The following PHF13 variants were observed in gnomAD, a reference collection of about 807,000 sequenced individuals.
PHF13 encodes the protein PHD zinc finger protein PHF5.
PHF13 carries 1 observed loss-of-function variant against 25.8 expected under a neutral mutation model. The observed-to-expected ratio is 0.04, with a 90% CI of 0.01 to 0.18. PHF13 has a LOEUF of 0.18. PHF13 is among the 10% of genes least tolerant of loss of function. The pLI is 1.00. For synonymous variants in PHF13, 195 were observed against 162.4 expected (o/e 1.20, Z -1.53); for missense variants, 306 against 403.2 (o/e 0.76, Z 2.06).
chr1:6,617,419 T>C (rs1641277872), intron 2 of PHF13, among the ~76,000 whole-genome samples: 1 of 151,250 alleles, frequency 6.6e-6, no homozygotes, highest in African/African-American at 2.4e-5. Context: ...ACAAATAAAA[T>C]ATGTGATATT....
At chr1:6,616,009 G>A (rs1641255245) in intron 1 of PHF13, among the ~76,000 whole-genome samples, 1 of 148,562 alleles carries the variant, frequency 6.7e-6, no homozygotes, top group Non-Finnish European at 1.5e-5. Context: ...CGAGAGCTCT[G>A]GAGAATGAGT....
chr1:6,615,965 G>T (rs1641254754), intron 1 of PHF13, among the ~76,000 whole-genome samples: 1 of 151,722 alleles, frequency 6.6e-6, no homozygotes, highest in African/African-American at 2.4e-5. Flanking sequence ...GCTTGGCAGG[G>T]TCAGCCAGGA....
intron 1 of PHF13, among the ~76,000 whole-genome samples, chr1:6,614,837 C>T (rs993112830): frequency 1.3e-5 from 2 of 151,532 alleles, no homozygotes; most frequent in Admixed American, 6.6e-5. Flanking sequence ...GGCCTCCCCC[C>T]CGCGCGGTCC....
intron 2 of PHF13, 87 bp downstream of exon 2, chr1:6,616,945 G>A: frequency 1.7e-6 from 2 of 1,149,192 alleles, no homozygotes; most frequent in Non-Finnish European, 2.6e-6. Flanking sequence ...TGACTGGTCA[G>A]AGGGTCAGTA....
At position 6,621,330 on chromosome 1, in the gene PHF13, A is replaced by T; in HGVS notation, c.677-81A>T. ...TGGAAGTGTTCTCGTCAGTAGAGTT[A>T]ATGGGTTTCATGGAAGCCCAGCTGA... On this transcript the variant is annotated intron_variant, in intron 3 of 3. Coordinates refer to ENST00000377648, the MANE Select transcript of PHF13 (RefSeq NM_153812.3). This position sits in a 1 kb window ranked among gnomAD's most constrained non-coding sequence, Gnocchi z 4.8. The T allele has an allele frequency of 7.0e-7, 1 of 1,429,012 alleles. No individual in the cohort carries two copies. Among genetic ancestry groups the T allele is most frequent in the Non-Finnish European group, 9.7e-7 (1 of 1,025,922 alleles). The allele number at this position is 1,429,012 out of a possible 1,614,324, so 88.5% of individuals were successfully genotyped here. A position where few individuals can be genotyped will look rare whatever the true frequency, so the allele number is the denominator to read the frequency against.
At chr1:6,618,180 G>A (rs1557445871) in intron 2 of PHF13, among the ~76,000 whole-genome samples, 1 of 152,106 alleles carries the variant, frequency 6.6e-6, no homozygotes, top group Non-Finnish European at 1.5e-5. Flanking sequence ...TGTTGCCCAG[G>A]CTGGAGTGCA....
intron 1 of PHF13, 72 bp downstream of exon 1, chr1:6,614,177 A>T: frequency 7.0e-7 from 1 of 1,436,568 alleles, no homozygotes; most frequent in Non-Finnish European, 9.5e-7. Flanking sequence ...AGGCAGCCAG[A>T]CCCCCGGTCG....
rs869279713 is a variant in PHF13 at position 6,621,201 on chromosome 1, GA to G, written c.677-196del. 1.5e-3 allele frequency among the ~76,000 whole-genome samples: 213 copies of G among 144,160 alleles called. No individual in the cohort carries two copies. The highest frequency in any genetic ancestry group is 2.0e-3 in the East Asian group (10 of 5,004). 94.6% of individuals were successfully genotyped at this position (144,160 alleles called of 152,430 possible). Reference sequence around the variant, plus strand: ...TGACAGAGTGAGACCCTGTCTTAGGGAAAAAAAAAAAAAAGTAAGCATCTCC... The same window carrying G: ...TGACAGAGTGAGACCCTGTCTTAGGGAAAAAAAAAAAAAGTAAGCATCTCC... On this transcript the variant is annotated intron_variant, in intron 3 of 3. Transcript: ENST00000377648. This position sits in a 1 kb window ranked among gnomAD's most constrained non-coding sequence, Gnocchi z 4.8.
Position 6,621,352 on chromosome 1 carries a change from C to G in PHF13, c.677-59C>G. On this transcript the variant is annotated intron_variant, in intron 3 of 3. Transcript: ENST00000377648. This position sits in a 1 kb window ranked among gnomAD's most constrained non-coding sequence, Gnocchi z 4.8. The stretch of plus-strand genomic sequence containing the variant: ...GTTAATGGGTTTCATGGAAGCCCAG[C>G]TGATGGCGAGGAATGATGGGAATTT... 1.3e-6 allele frequency: 2 copies of G among 1,560,494 alleles called. No individual in the cohort carries two copies. Among genetic ancestry groups the G allele is most frequent in the South Asian group, 1.1e-5 (1 of 88,498 alleles).
intron 1 of PHF13, among the ~76,000 whole-genome samples, chr1:6,616,366 C>T (rs1002438347): frequency 3.3e-5 from 5 of 152,172 alleles, no homozygotes; most frequent in African/African-American, 7.2e-5. Context: ...ACATCAGTTC[C>T]AGCTGCTGCT....
intron 2 of PHF13, among the ~76,000 whole-genome samples, chr1:6,617,440 TTTTG>T (rs763901606): frequency 2.5e-4 from 37 of 149,824 alleles, no homozygotes; most frequent in African/African-American, 8.1e-4. Context: ...TGCTTGCTCT[TTTTG>T]TTTGTTTGTT....
In PHF13 at chr1:6,616,847, T is replaced by C. The variant is rs199927668; in HGVS notation, c.130T>C (p.Tyr44His). 2 of 1,613,736 alleles carry C rather than the reference T, an allele frequency of 1.2e-6. No individual in the cohort carries two copies. Among genetic ancestry groups the C allele is most frequent in the Non-Finnish European group, 1.7e-6 (2 of 1,179,644 alleles). The change falls in exon 2 of 4, where the codon TAT (tyrosine) becomes CAT (histidine). Residue 44 changes from tyrosine (Y) to histidine (H), a missense_variant. By Grantham distance (83) the Tyr-to-His change is moderately conservative. Coordinates refer to ENST00000377648, the MANE Select transcript of PHF13 (RefSeq NM_153812.3). ...FVLAYAGYIP[Y>H]PKEELPLRSS... ...CTTGGCCTATGCTGGCTACATCCCT[T>C]ATCCGAAGGAGGTAATCTTCTGAGT...
At position 6,623,806 on chromosome 1, in the gene PHF13, T is replaced by C. The variant is rs1443842757; in HGVS notation, c.*2169T>C. ...CGACCCATCTGTGGTTCCTGGTTGG[T>C]GGCTAATGAAGTGAGGGGAGGGAGG... On this transcript the variant is annotated 3_prime_UTR_variant, in exon 4 of 4. Coordinates refer to ENST00000377648, the MANE Select transcript of PHF13 (RefSeq NM_153812.3). 1.3e-5 allele frequency: 2 copies of C among 152,624 alleles called. No individual in the cohort carries two copies. Among genetic ancestry groups the C allele is most frequent in the Non-Finnish European group, 2.9e-5 (2 of 68,034 alleles). 9.5% of individuals were successfully genotyped at this position (152,624 alleles called of 1,614,324 possible). A position where few individuals can be genotyped will look rare whatever the true frequency, so the allele number is the denominator to read the frequency against.
chr1:6,613,784 G>A lies in PHF13; in HGVS notation c.-283G>A. The A allele has an allele frequency of 3.3e-6, 1 of 306,604 alleles. No individual in the cohort carries two copies. Among genetic ancestry groups the A allele is most frequent in the Non-Finnish European group, 6.1e-6 (1 of 164,774 alleles). The allele number at this position is 306,604 out of a possible 1,614,324, so 19.0% of individuals were successfully genotyped here. On this transcript the variant is annotated 5_prime_UTR_variant, in exon 1 of 4. Coordinates refer to ENST00000377648, the MANE Select transcript of PHF13 (RefSeq NM_153812.3). ...TGGGCGTCAGGTCGGGGAGCCGGTCGGGTTCCCGCTCACCGCCGCCGCCGC... is the reference window on the plus strand; with the variant it reads ...TGGGCGTCAGGTCGGGGAGCCGGTCAGGTTCCCGCTCACCGCCGCCGCCGC...
intron 1 of PHF13, among the ~76,000 whole-genome samples, chr1:6,616,248 C>T (rs538165586): frequency 1.5e-4 from 23 of 152,006 alleles, no homozygotes; most frequent in African/African-American, 5.1e-4. Context: ...AGGCTGGTCT[C>T]GAACTCCTGA....
chr1:6,616,968 GC>G (rs1641270548), intron 2 of PHF13, 110 bp downstream of exon 2: 1 of 843,812 alleles, frequency 1.2e-6, no homozygotes, highest in Admixed American at 2.1e-5. Context: ...TTTGGAAGGG[GC>G]TGCTTGTGGT....
At position 6,614,034 on chromosome 1, in the gene PHF13, C is replaced by T. The variant is rs746528287; in HGVS notation, c.-33C>T. On this transcript the variant is annotated 5_prime_UTR_variant, in exon 1 of 4. Transcript: ENST00000377648. ...CCGCTCCAGCATCCCAGCTCCTGCA[C>T]TCTCGCAGCCGCCGCCGCCCCCCGC... 1.2e-5 allele frequency: 19 copies of T among 1,571,570 alleles called. No individual in the cohort carries two copies. The highest frequency in any genetic ancestry group is 2.4e-5 in the East Asian group (1 of 41,514).
rs192276638 is a variant in PHF13, at chr1:6,623,087, C to T, written c.*1450C>T. On this transcript the variant is annotated 3_prime_UTR_variant, in exon 4 of 4. Transcript: ENST00000377648. ...GTTTGTTTTCAGTGGGATGGGCCCGCGTTCTCACTGCTGGGGGCTTCCCCT... is the reference window on the plus strand; with the variant it reads ...GTTTGTTTTCAGTGGGATGGGCCCGTGTTCTCACTGCTGGGGGCTTCCCCT... 4.7e-4 allele frequency: 72 copies of T among 152,350 alleles called. 3 individuals are homozygous for T. The highest frequency in any genetic ancestry group is 6.5e-5 in the Admixed American group (1 of 15,292). 9.4% of individuals were successfully genotyped at this position (152,350 alleles called of 1,614,324 possible). A position where few individuals can be genotyped will look rare whatever the true frequency, so the allele number is the denominator to read the frequency against.
At chr1:6,616,412 A>G (rs1010576217) in intron 1 of PHF13, among the ~76,000 whole-genome samples, 3 of 152,234 alleles carry the variant, frequency 2.0e-5, no homozygotes, top group Admixed American at 2.0e-4. Flanking sequence ...AATCTGTAGC[A>G]AAAAAGTAGT....
Sources: allele counts gnomAD v4.1 joint callset (sites outside exome capture counted in the v4.1 genomes callset), GRCh38; gene constraint gnomAD v4.1.1; non-coding constraint Gnocchi (gnomAD v3.1); transcripts MANE v1.5; gene names NCBI Gene and HGNC (gene_info 2026-07-23, HGNC 2026-07-21).